PDCD6IP: variants seen among roughly 807,000 people sequenced by gnomAD.
PDCD6IP encodes the protein programmed cell death 6-interacting protein.
PDCD6IP carries 43 observed loss-of-function variants against 103.7 expected under a neutral mutation model. The observed-to-expected ratio is 0.41, with a 90% CI of 0.32 to 0.53. The LOEUF (loss-of-function observed/expected upper bound fraction) is 0.53. Among genes scored for constraint, PDCD6IP ranks in the 20% least tolerant of loss-of-function variants. The pLI is 0.16. For synonymous variants in PDCD6IP, 354 were observed against 378.7 expected, an observed-to-expected ratio of 0.93 and a Z score of 0.76; for missense variants, 871 against 1,036.7, an observed-to-expected ratio of 0.84 and a Z score of 2.20.
rs922635818 is a variant in PDCD6IP at position 33,868,221 on chromosome 3, G to T, written c.*1696G>T. 1 of 152,088 alleles carries T rather than the reference G, an allele frequency of 6.6e-6. No homozygotes were observed. The highest frequency in any genetic ancestry group is 1.5e-5 in the Non-Finnish European group (1 of 68,018). 9.4% of individuals were successfully genotyped at this position (152,088 alleles called of 1,614,324 possible). On this transcript the variant is annotated 3_prime_UTR_variant, in exon 18 of 18. Transcript: ENST00000307296. ...AAGTTCCACATTCTTATTACTTGAG[G>T]TACTTTATACTAACATAAGACAGTG...
intron 3 of PDCD6IP, among the ~76,000 whole-genome samples, chr3:33,814,770 T>C (rs977008709): frequency 1.4e-5 from 2 of 145,488 alleles, no homozygotes; most frequent in South Asian, 2.1e-4. Flanking sequence ...TATACACACA[T>C]ATATAGTATA....
chr3:33,799,100 A>ACCCGCCCTGCAGGC, intron 1 of PDCD6IP, 163 bp downstream of exon 1: 1 of 697,078 alleles, frequency 1.4e-6, no homozygotes, highest in Non-Finnish European at 2.3e-6. Context: ...GGTGAGCAGG[A>ACCCGCCCTGCAGGC]CCCGCCCTGC....
chr3:33,824,163 T>C (rs913877999), intron 4 of PDCD6IP, among the ~76,000 whole-genome samples: 60 of 152,230 alleles, frequency 3.9e-4, no homozygotes, highest in African/African-American at 1.4e-3. Flanking sequence ...TCTAGTGTTA[T>C]AATACTTACT....
At chr3:33,852,098 C>T (rs1697726931) in intron 12 of PDCD6IP, among the ~76,000 whole-genome samples, 1 of 152,280 alleles carries the variant, frequency 6.6e-6, no homozygotes, top group African/African-American at 2.4e-5. Flanking sequence ...ACCTCTGCCC[C>T]TTAGTAGCTG....
chr3:33,844,866 G>A (rs1183535564), intron 11 of PDCD6IP, among the ~76,000 whole-genome samples: 1 of 151,260 alleles, frequency 6.6e-6, no homozygotes, highest in Non-Finnish European at 1.5e-5. Flanking sequence ...ATCCTGGGTG[G>A]TAAAAAAAAA....
At chr3:33,834,610 C>G (rs560785727) in intron 7 of PDCD6IP, among the ~76,000 whole-genome samples, 1 of 152,178 alleles carries the variant, frequency 6.6e-6, no homozygotes, top group Admixed American at 6.5e-5. Context: ...TTTAAAAAAT[C>G]AAGAATATTG....
rs781353506 is a variant in PDCD6IP at position 33,826,518 on chromosome 3, C to T, written c.655C>T (p.Gln219Ter). 6.2e-7 allele frequency: 1 copy of T among 1,611,848 alleles called. No homozygotes were observed. Among genetic ancestry groups the T allele is most frequent in the Non-Finnish European group, 8.5e-7 (1 of 1,178,778 alleles). Reference protein sequence around the residue: ...KDAIIAKLANQAADYFGDAFK... With the variant: ...KDAIIAKLAN ...TGCCATCATAGCTAAATTGGCTAAT[C>T]AGGCTGCAGATTATTTTGGTGATGC... The change falls in exon 6 of 18, where the codon CAG becomes TAG. Residue 219 changes from glutamine to a stop codon, truncating the protein, a stop_gained. Coordinates refer to ENST00000307296, the MANE Select transcript of PDCD6IP (RefSeq NM_013374.6). LOFTEE classifies it high-confidence loss of function.
intron 9 of PDCD6IP, among the ~76,000 whole-genome samples, chr3:33,841,433 CTT>C (rs1301369045): frequency 6.6e-5 from 4 of 60,946 alleles, no homozygotes; most frequent in Admixed American, 2.5e-4. Context: ...CTTTGCTTTG[CTT>C]TTTTTTTTTT....
rs1024882237 is a variant in PDCD6IP at position 33,841,020 on chromosome 3, T to A, written c.1182-877T>A. 2.0e-5 allele frequency among the ~76,000 whole-genome samples: 3 copies of A among 148,246 alleles called. No homozygotes were observed. The Admixed American group carries it at 2.1e-4, about 10-fold the overall frequency. Reference sequence around the variant, plus strand: ...TAATGCGGTCATAGTTTTTCTTATTTTTTGACTTTTTTTTTTTTTTCCCCC... The same window carrying A: ...TAATGCGGTCATAGTTTTTCTTATTATTTGACTTTTTTTTTTTTTTCCCCC... On this transcript the variant is annotated intron_variant, in intron 9 of 17. Coordinates refer to ENST00000307296, the MANE Select transcript of PDCD6IP (RefSeq NM_013374.6).
chr3:33,836,610 CT>C (rs2125563107), intron 8 of PDCD6IP, among the ~76,000 whole-genome samples: 1 of 151,224 alleles, frequency 6.6e-6, no homozygotes, highest in African/African-American at 2.4e-5. Context: ...AATCCTAGCA[CT>C]TTGGGAGGCT....
At chr3:33,841,513 A>G (rs1210443473) in intron 9 of PDCD6IP, among the ~76,000 whole-genome samples, 2 of 128,132 alleles carry the variant, frequency 1.6e-5, no homozygotes, top group East Asian at 4.6e-4. Flanking sequence ...ATCTCGGCTC[A>G]CTGCAAGCTC....
intron 1 of PDCD6IP, among the ~76,000 whole-genome samples, chr3:33,811,580 A>G (rs1210498172): frequency 5.9e-5 from 9 of 152,204 alleles, no homozygotes; most frequent in African/African-American, 2.2e-4. Context: ...ATGAGAAAGG[A>G]GATGGAGAGG....
chr3:33,849,885 G>C (rs1170333766), intron 12 of PDCD6IP, among the ~76,000 whole-genome samples: 1 of 152,106 alleles, frequency 6.6e-6, no homozygotes, highest in Non-Finnish European at 1.5e-5. Context: ...TCTTTGTGTG[G>C]TAGTCCACAA....
intron 9 of PDCD6IP, among the ~76,000 whole-genome samples, chr3:33,841,525 G>A (rs1256450200): frequency 7.7e-6 from 1 of 129,184 alleles, no homozygotes; most frequent in African/African-American, 2.9e-5. Flanking sequence ...TGCAAGCTCC[G>A]CCTCCCGGGT....
At chr3:33,818,742 C>T (rs1032673057) in intron 3 of PDCD6IP, among the ~76,000 whole-genome samples, 2 of 152,004 alleles carry the variant, frequency 1.3e-5, no homozygotes, top group African/African-American at 4.8e-5. Flanking sequence ...TGGTCTTGTT[C>T]TCTTGACCTC....
intron 15 of PDCD6IP, among the ~76,000 whole-genome samples, chr3:33,862,580 A>G (rs754150952): frequency 1.3e-5 from 2 of 152,198 alleles, no homozygotes; most frequent in South Asian, 2.1e-4. Flanking sequence ...ATTTTCAGCA[A>G]TATATCTTTC....
intron 3 of PDCD6IP, among the ~76,000 whole-genome samples, chr3:33,814,036 G>T (rs1696775877): frequency 6.6e-6 from 1 of 152,086 alleles, no homozygotes; most frequent in Admixed American, 6.5e-5. Flanking sequence ...ATAACCATAG[G>T]TCAGAAGGGT....
chr3:33,829,163 C>G (rs1697192478), intron 7 of PDCD6IP, among the ~76,000 whole-genome samples, 194 bp downstream of exon 7: 2 of 152,058 alleles, frequency 1.3e-5, no homozygotes, highest in Admixed American at 6.6e-5. Flanking sequence ...AAAATAGATG[C>G]AAAATTTGCA....
At chr3:33,807,763 ACAGGG>A (rs926762820) in intron 1 of PDCD6IP, among the ~76,000 whole-genome samples, 1 of 152,216 alleles carries the variant, frequency 6.6e-6, no homozygotes, top group Non-Finnish European at 1.5e-5. Context: ...CAAAAAAGGT[ACAGGG>A]CAGGGCAGGG....
Sources: allele counts gnomAD v4.1 joint callset (sites outside exome capture counted in the v4.1 genomes callset), GRCh38; gene constraint gnomAD v4.1.1; transcripts MANE v1.5; gene names NCBI Gene and HGNC (gene_info 2026-07-23, HGNC 2026-07-21).